AKAP9: variants seen among roughly 807,000 people sequenced by gnomAD.
AKAP9 encodes A-kinase anchoring protein 9.
A neutral mutation model predicts 488.5 loss-of-function variants in AKAP9; 311 were observed. The observed-to-expected ratio is 0.64, with a 90% CI of 0.58 to 0.70. The LOEUF (loss-of-function observed/expected upper bound fraction) is 0.70, where lower values mean the gene tolerates loss of function less well. Ranked by LOEUF, AKAP9 falls within the 30% of genes least tolerant of loss-of-function variation. AKAP9 has a pLI of 0.00. For synonymous variants in AKAP9, 1,462 were observed against 1,483.5 expected, an observed-to-expected ratio of 0.99 and a Z score of 0.33; for missense variants, 4,215 against 4,374.5, an observed-to-expected ratio of 0.96 and a Z score of 1.03.
At chr7:92,084,335 A>G (rs1200287584) in intron 33 of AKAP9, among the ~76,000 whole-genome samples, 1 of 152,194 alleles carries the variant, frequency 6.6e-6, no homozygotes, top group Non-Finnish European at 1.5e-5. Flanking sequence ...GAACTTTTTT[A>G]AATTTAAAGA....
intron 1 of AKAP9, among the ~76,000 whole-genome samples, chr7:91,948,427 C>G (rs1381368289): frequency 6.6e-6 from 1 of 151,918 alleles, no homozygotes; most frequent in Non-Finnish European, 1.5e-5. Context: ...TTCCCATAAC[C>G]TCATTAACAG....
rs767439603 is a variant in AKAP9, at chr7:92,083,590, G to A, written c.8581G>A (p.Val2861Ile). The change falls in exon 33 of 50, where the codon GTT (valine) becomes ATT (isoleucine). Residue 2861 changes from valine (V) to isoleucine (I), a missense_variant. Val to Ile is a conservative substitution (Grantham distance 29, BLOSUM62 3). Transcript: ENST00000356239. ...ETLKREHYVA[V>I]QLLKEECGTL... Reference sequence around the variant, plus strand: ...CTTAAAGAGGGAACACTATGTTGCCGTTCAGTTACTGAAAGAGGAATGTGG... The same window carrying A: ...CTTAAAGAGGGAACACTATGTTGCCATTCAGTTACTGAAAGAGGAATGTGG... 26 of 1,602,752 alleles carry A rather than the reference G, an allele frequency of 1.6e-5. No individual in the cohort carries two copies. The highest frequency in any genetic ancestry group is 5.2e-5 in the Admixed American group (3 of 57,428).
At chr7:91,988,055 A>G (rs1022872602) in intron 3 of AKAP9, among the ~76,000 whole-genome samples, 39 of 151,728 alleles carry the variant, frequency 2.6e-4, no homozygotes, top group African/African-American at 8.7e-4. Flanking sequence ...TGGCGGGCAC[A>G]TGTAGTCCCA....
intron 17 of AKAP9, among the ~76,000 whole-genome samples, chr7:92,039,194 G>A (rs921952956): frequency 3.9e-5 from 6 of 152,062 alleles, no homozygotes; most frequent in Middle Eastern, 3.4e-3. Flanking sequence ...ATGAGCCACC[G>A]TGCCCAGCCA....
Position 91,950,227 on chromosome 7 carries a change from C to CT in AKAP9, c.48+9100dup, listed in dbSNP as rs1363169233. Among the ~76,000 whole-genome samples, 1,041 of 133,356 alleles carry CT rather than the reference C, an allele frequency of 7.8e-3. 14 individuals are homozygous for CT. Among genetic ancestry groups the CT allele is most frequent in the African/African-American group, 0.01 (366 of 36,372 alleles). The allele number at this position is 133,356 out of a possible 152,430, so 87.5% of individuals were successfully genotyped here. On this transcript the variant is annotated intron_variant, in intron 1 of 49. Transcript: ENST00000356239. ...CTGTATTTATTCCTCCAGGGTCTCA[C>CT]TTTTTTTTTTTTTTTTTTTTGAGAC...
At chr7:91,959,452 C>T (rs1793453007) in intron 1 of AKAP9, among the ~76,000 whole-genome samples, 1 of 117,604 alleles carries the variant, frequency 8.5e-6, no homozygotes, top group Non-Finnish European at 1.7e-5. Flanking sequence ...GCCACCACTC[C>T]TGGCTAATTT....
chr7:92,068,143 G>A lies in AKAP9; in HGVS notation c.6330+1597G>A, dbSNP rs567926248. Among the ~76,000 whole-genome samples the A allele has an allele frequency of 4.0e-5, 6 of 151,812 alleles. No individual in the cohort carries two copies. In the South Asian group the frequency reaches 8.3e-4, roughly 21 times the overall value. On this transcript the variant is annotated intron_variant, in intron 26 of 49. Coordinates refer to ENST00000356239, the MANE Select transcript of AKAP9 (RefSeq NM_005751.5). Reference sequence around the variant, plus strand: ...TGGGAGGCCGAGGTGGGCAGATCACGAGGTCAGGAGATCGTGACCATCCTG... The same window carrying A: ...TGGGAGGCCGAGGTGGGCAGATCACAAGGTCAGGAGATCGTGACCATCCTG...
Position 92,001,099 on chromosome 7 carries a change from A to G in AKAP9, c.1182A>G (p.Ile394Met). The G allele has an allele frequency of 6.2e-7, 1 of 1,613,946 alleles. No individual in the cohort carries two copies. Among genetic ancestry groups the G allele is most frequent in the Non-Finnish European group, 8.5e-7 (1 of 1,179,926 alleles). ...KQKERQSSEE[I>M]KQLMGTVEEL... ...AAGAAAGACAGTCTTCTGAAGAAAT[A>G]AAACAGTTAATGGGGACAGTCGAAG... The change falls in exon 8 of 50, where the codon ATA becomes ATG. Residue 394 changes from isoleucine (I) to methionine (M), a missense_variant. By Grantham distance (10) the Ile-to-Met change is conservative (BLOSUM62 1). Coordinates refer to ENST00000356239, the MANE Select transcript of AKAP9 (RefSeq NM_005751.5).
At chr7:91,987,889 T>G (rs1462094099) in intron 3 of AKAP9, among the ~76,000 whole-genome samples, 1 of 152,100 alleles carries the variant, frequency 6.6e-6, no homozygotes, top group Non-Finnish European at 1.5e-5. Context: ...TGAGATTTAT[T>G]GGCCGGGCAT....
rs532205905 is a variant in AKAP9, at chr7:91,943,548, A to G, written c.48+2401A>G. 6.6e-5 allele frequency among the ~76,000 whole-genome samples: 10 copies of G among 152,338 alleles called. No homozygotes were observed. The East Asian group carries it at 1.9e-3, about 29-fold the overall frequency. ...GAGACAGACTCTGGGTGATAAGTAC[A>G]AAGAGGGATGAGCTGCAGTAGGATT... On this transcript the variant is annotated intron_variant, in intron 1 of 49. Transcript: ENST00000356239.
chr7:92,040,815 C>T lies in AKAP9; in HGVS notation c.4834C>T (p.His1612Tyr). ...GGCAACGGAATTGTTAAGGCAAGCACATATGCGGCAAATGGAGAGACAGCG... is the reference window on the plus strand; with the variant it reads ...GGCAACGGAATTGTTAAGGCAAGCATATATGCGGCAAATGGAGAGACAGCG... ...QQATELLRQA[H>Y]MRQMERQRED... Residue 1612 changes from histidine to tyrosine, a missense_variant, in exon 18 of 50, where the codon CAT becomes TAT. Around this residue, in one of 5 missense-constraint regions of AKAP9, gnomAD observed 2,361 missense variants for 2,430.0 expected, o/e 0.97. Coordinates refer to ENST00000356239, the MANE Select transcript of AKAP9 (RefSeq NM_005751.5). 6.2e-7 allele frequency: 1 copy of T among 1,613,962 alleles called. No homozygotes were observed. Among genetic ancestry groups the T allele is most frequent in the Non-Finnish European group, 8.5e-7 (1 of 1,179,994 alleles).
Position 92,061,263 on chromosome 7 carries a change from G to C in AKAP9, c.5605G>C (p.Glu1869Gln), listed in dbSNP as rs1177772169. The C allele has an allele frequency of 6.2e-7, 1 of 1,611,434 alleles. No individual in the cohort carries two copies. Among genetic ancestry groups the C allele is most frequent in the Non-Finnish European group, 8.5e-7 (1 of 1,178,510 alleles). Residue 1869 changes from glutamate (E) to glutamine (Q), a missense_variant, in exon 23 of 50, where the codon GAA becomes CAA. Physicochemically the swap from Glu to Gln is conservative, Grantham distance 29. This residue lies in a region of AKAP9 where 2,361 missense variants were observed against 2,430.0 expected (regional missense o/e 0.97). Coordinates refer to ENST00000356239, the MANE Select transcript of AKAP9 (RefSeq NM_005751.5). The stretch of plus-strand genomic sequence containing the variant: ...TATTGTTTCCCTCTTTGTTTAGCTT[G>C]AACATGCGAAAGTGACACAGACAGA... Reference protein sequence around the residue: ...EAISETSSQLEHAKVTQTELM... With the variant: ...EAISETSSQLQHAKVTQTELM...
Position 91,992,156 on chromosome 7 carries a change from A to G in AKAP9, c.352-2A>G. 6.2e-7 allele frequency: 1 copy of G among 1,606,122 alleles called. No individual in the cohort carries two copies. Among genetic ancestry groups the G allele is most frequent in the Non-Finnish European group, 8.5e-7 (1 of 1,172,874 alleles). ...ATATATCAGGAAATTGTTTTTATACAGGTAAATGGTTGCAGTTTTGTGATG... is the reference window on the plus strand; with the variant it reads ...ATATATCAGGAAATTGTTTTTATACGGGTAAATGGTTGCAGTTTTGTGATG... On this transcript the variant is annotated splice_acceptor_variant, in intron 3 of 49. Coordinates refer to ENST00000356239, the MANE Select transcript of AKAP9 (RefSeq NM_005751.5). LOFTEE classifies it high-confidence loss of function.
At chr7:92,085,820 T>G (rs554927510) in intron 36 of AKAP9, 134 bp downstream of exon 36, 2 of 729,746 alleles carry the variant, frequency 2.7e-6, no homozygotes, top group Non-Finnish European at 4.1e-6. Flanking sequence ...CACTTGAAAC[T>G]CAGCCAGAAG....
At chr7:91,986,580 G>A (rs1797123779) in intron 3 of AKAP9, among the ~76,000 whole-genome samples, 1 of 152,142 alleles carries the variant, frequency 6.6e-6, no homozygotes, top group African/African-American at 2.4e-5. Flanking sequence ...AAGCTAAAGA[G>A]GTCAAAAGAT....
chr7:92,077,065 G>C (rs1812700592), intron 29 of AKAP9, 58 bp downstream of exon 29: 1 of 570,596 alleles, frequency 1.8e-6, no homozygotes, highest in Non-Finnish European at 2.6e-6. Context: ...GTCCTATATT[G>C]CTTTATTATT....
chr7:92,003,004 G>C lies in AKAP9; in HGVS notation c.3087G>C (p.Arg1029Ser). 6.2e-7 allele frequency: 1 copy of C among 1,613,460 alleles called. No homozygotes were observed. The highest frequency in any genetic ancestry group is 8.5e-7 in the Non-Finnish European group (1 of 1,179,606). ...LLDGVVTMTS[R>S]GAEGSVSKVN... ...ATGGAGTTGTGACCATGACAAGCAG[G>C]GGTGCTGAAGGATCAGTTTCTAAAG... Residue 1029 changes from arginine (R) to serine (S), a missense_variant, in exon 8 of 50, where the codon AGG becomes AGC. By Grantham distance (110) the Arg-to-Ser change is moderately radical (BLOSUM62 -1). Coordinates refer to ENST00000356239, the MANE Select transcript of AKAP9 (RefSeq NM_005751.5).
intron 7 of AKAP9, among the ~76,000 whole-genome samples, chr7:91,996,617 G>A (rs1041127244): frequency 9.2e-5 from 14 of 152,118 alleles, no homozygotes; most frequent in African/African-American, 2.9e-4. Flanking sequence ...ATTTTTTGTC[G>A]CTCTGTGCAC....
Position 92,079,974 on chromosome 7 carries a change from A to C in AKAP9, c.7841A>C (p.Gln2614Pro). Residue 2614 changes from glutamine (Q) to proline (P), a missense_variant, in exon 31 of 50, where the codon CAG (glutamine) becomes CCG (proline). Around this residue, in one of 5 missense-constraint regions of AKAP9, gnomAD observed 1,476 missense variants for 1,477.4 expected, o/e 1.00. Transcript: ENST00000356239. The part of the protein sequence containing the change: ...LTLRISELES[Q>P]VVEMHTSLIL... ...TTGAGAATATCAGAATTAGAAAGCC[A>C]GGTTGTTGAAATGCATACTAGTTTG... 6.3e-7 allele frequency: 1 copy of C among 1,583,294 alleles called. No individual in the cohort carries two copies. The highest frequency in any genetic ancestry group is 1.2e-5 in the South Asian group (1 of 84,222).
Sources: gnomAD v4.1 joint callset for allele counts (sites outside exome capture counted in the v4.1 genomes callset) on GRCh38, gnomAD v4.1.1 for gene constraint, gnomAD v4.1.1 regional missense constraint, MANE v1.5 for transcripts, NCBI Gene and HGNC (gene_info 2026-07-23, HGNC 2026-07-21) for gene names.